Variants in EMX1 observed in about 807,000 individuals in gnomAD.
The protein encoded by EMX1 is empty spiracles homeobox 1.
A neutral mutation model predicts 20.1 loss-of-function variants in EMX1; 10 were observed. The observed-to-expected ratio is 0.50, with a 90% CI of 0.31 to 0.84. The LOEUF is 0.84. Ranked by LOEUF, EMX1 falls within the 40% of genes least tolerant of loss-of-function variation. The probability of loss-of-function intolerance (pLI) is 0.05; values close to 1 mark genes in which losing one functional copy is unlikely to be tolerated. For synonymous variants in EMX1, 250 were observed against 200.4 expected (o/e 1.25, Z -2.09); for missense variants, 424 against 431.9 (o/e 0.98, Z 0.16).
chr2:72,933,934 G>A lies in EMX1; in HGVS notation c.853G>A (p.Asp285Asn), dbSNP rs777186799. 14 of 1,614,268 alleles carry A rather than the reference G, an allele frequency of 8.7e-6. No homozygotes were observed. Among genetic ancestry groups the A allele is most frequent in the South Asian group, 3.3e-5 (3 of 91,088 alleles). The change falls in exon 3 of 3, where the codon GAT becomes AAT. Residue 285 changes from aspartate to asparagine, a missense_variant. Around this residue, in one of 2 missense-constraint regions of EMX1, gnomAD observed 91 missense variants for 135.2 expected, o/e 0.67. Coordinates refer to ENST00000258106, the MANE Select transcript of EMX1 (RefSeq NM_004097.3). ...GAAGCAGGCCAATGGGGAGGACATC[G>A]ATGTCACCTCCAATGACTAGGGTGG... ...ATKQANGEDI[D>N]VTSND
intron 1 of EMX1, among the ~76,000 whole-genome samples, chr2:72,922,362 T>G (rs550334252): frequency 6.6e-6 from 1 of 152,330 alleles, no homozygotes; most frequent in South Asian, 2.1e-4. Context: ...AGGCTCCATA[T>G]TTTTCTGCCC....
chr2:72,926,961 G>T (rs1393311141), intron 2 of EMX1, among the ~76,000 whole-genome samples: 3 of 152,086 alleles, frequency 2.0e-5, no homozygotes, highest in Non-Finnish European at 4.4e-5. Context: ...TCAGCTATTT[G>T]TCAAGCATCA....
Position 72,917,868 on chromosome 2 carries a change from TG to T in EMX1, c.17del (p.Cys6SerfsTer40). 1 of 1,473,832 alleles carries T rather than the reference TG, an allele frequency of 6.8e-7. No individual in the cohort carries two copies. The highest frequency in any genetic ancestry group is 1.3e-5 in the South Asian group (1 of 78,084). 91.3% of individuals were successfully genotyped at this position (1,473,832 alleles called of 1,614,324 possible). ...GCGGGTGTGCATGTGCCTGGCTGGGTGCACACCCCGCAAGGCGGCGGCGCCA... is the reference window on the plus strand; with the variant it reads ...GCGGGTGTGCATGTGCCTGGCTGGGTCACACCCCGCAAGGCGGCGGCGCCA... MCLAG[C>X]TPRKAAAPGR... On this transcript the variant is annotated frameshift_variant, in exon 1 of 3. Transcript: ENST00000258106. LOFTEE classifies it high-confidence loss of function.
chr2:72,926,967 C>T (rs140056520), intron 2 of EMX1, among the ~76,000 whole-genome samples: 210 of 152,292 alleles, frequency 1.4e-3, no homozygotes, highest in African/African-American at 4.8e-3. Context: ...ATTTGTCAAG[C>T]ATCAGTCACC....
chr2:72,924,263 T>A, intron 1 of EMX1, 46 bp from the exon 2 acceptor site: 1 of 1,543,960 alleles, frequency 6.5e-7, no homozygotes. Context: ...GCGCCCCTTC[T>A]CTCTGTCTGT....
At chr2:72,921,447 G>C (rs1671103107) in intron 1 of EMX1, among the ~76,000 whole-genome samples, 1 of 152,178 alleles carries the variant, frequency 6.6e-6, no homozygotes, top group African/African-American at 2.4e-5. Flanking sequence ...ACCCCTGGTA[G>C]GGGTGGTTCA....
intron 1 of EMX1, among the ~76,000 whole-genome samples, chr2:72,920,474 C>G (rs1275885767): frequency 1.3e-5 from 2 of 152,212 alleles, no homozygotes; most frequent in Non-Finnish European, 2.9e-5. Context: ...GTCGCCGCTG[C>G]AGACGGATGC....
chr2:72,918,471 C>G (rs1391776905), intron 1 of EMX1, 99 bp downstream of exon 1: 4 of 1,316,366 alleles, frequency 3.0e-6, no homozygotes, highest in Non-Finnish European at 3.9e-6. Context: ...TTAGAAGTTA[C>G]TGCCGGGAAG....
intron 2 of EMX1, chr2:72,933,369 C>T (rs748864344): frequency 4.9e-5 from 8 of 164,540 alleles, no homozygotes; most frequent in Non-Finnish European, 9.2e-5. Context: ...GTCATAGGCT[C>T]TCTCATTTAC....
upstream of EMX1, chr2:72,916,650 C>T: frequency 1.4e-6 from 1 of 710,228 alleles, no homozygotes. Context: ...CAGGCTGCTT[C>T]TGCGTGTCCT....
chr2:72,918,144 G>T lies in EMX1; in HGVS notation c.292G>T (p.Gly98Cys). ...PSAAEAAFVS[G>C]FPAAAAAGAG... ...CGCGGCCGAGGCGGCCTTCGTGAGT[G>T]GCTTCCCTGCCGCGGCCGCCGCGGG... is the stretch of plus-strand genomic sequence containing the variant. Residue 98 changes from glycine (G) to cysteine (C), a missense_variant, in exon 1 of 3, where the codon GGC becomes TGC. By Grantham distance (159) the Gly-to-Cys change is radical. Coordinates refer to ENST00000258106, the MANE Select transcript of EMX1 (RefSeq NM_004097.3). 1 of 1,498,222 alleles carries T rather than the reference G, an allele frequency of 6.7e-7. No individual in the cohort carries two copies. Among genetic ancestry groups the T allele is most frequent in the Middle Eastern group, 1.9e-4 (1 of 5,396 alleles). The allele number at this position is 1,498,222 out of a possible 1,614,324, so 92.8% of individuals were successfully genotyped here.
At chr2:72,924,579 G>A (rs1025627097) in intron 2 of EMX1, 86 bp downstream of exon 2, 59 of 1,420,696 alleles carry the variant, frequency 4.2e-5, no homozygotes, top group Non-Finnish European at 5.2e-5. Context: ...CCCTGAGCCC[G>A]CCCCAGCCCA....
upstream of EMX1, chr2:72,917,049 A>T: frequency 1.5e-6 from 1 of 666,242 alleles, no homozygotes; most frequent in Non-Finnish European, 2.8e-6. Flanking sequence ...ACCGCGGCCC[A>T]GGAGGCCGAT....
chr2:72,931,760 A>T (rs1671289302), intron 2 of EMX1, among the ~76,000 whole-genome samples: 1 of 152,356 alleles, frequency 6.6e-6, no homozygotes, highest in African/African-American at 2.4e-5. Flanking sequence ...GAGGCCGGGC[A>T]CCAACCCTTC....
At chr2:72,920,987 G>T (rs1361884881) in intron 1 of EMX1, among the ~76,000 whole-genome samples, 1 of 152,194 alleles carries the variant, frequency 6.6e-6, no homozygotes, top group Non-Finnish European at 1.5e-5. Flanking sequence ...GGGGAATGAG[G>T]TTATCTCCGC....
At chr2:72,920,553 C>T (rs534320615) in intron 1 of EMX1, among the ~76,000 whole-genome samples, 42 of 152,356 alleles carry the variant, frequency 2.8e-4, no homozygotes, top group Non-Finnish European at 5.4e-4. Context: ...CCGTCTCGGG[C>T]CCTCCGGCGC....
At chr2:72,931,756 G>A (rs1385557893) in intron 2 of EMX1, among the ~76,000 whole-genome samples, 6 of 152,240 alleles carry the variant, frequency 3.9e-5, no homozygotes, top group Non-Finnish European at 7.3e-5. Flanking sequence ...CATCGAGGCC[G>A]GGCACCAACC....
rs1240054488 is a variant in EMX1, at chr2:72,917,904, G to A, written c.52G>A (p.Ala18Thr). 3.4e-6 allele frequency: 5 copies of A among 1,481,796 alleles called. No individual in the cohort carries two copies. In the Admixed American group the frequency reaches 1.1e-4, roughly 34 times the overall value. The allele number at this position is 1,481,796 out of a possible 1,614,324, so 91.8% of individuals were successfully genotyped here. The change falls in exon 1 of 3, where the codon GCG (alanine) becomes ACG (threonine). Residue 18 changes from alanine (A) to threonine (T), a missense_variant. Physicochemically the swap from Ala to Thr is moderately conservative, Grantham distance 58. Coordinates refer to ENST00000258106, the MANE Select transcript of EMX1 (RefSeq NM_004097.3). ...CAAGGCGGCGGCGCCAGGACGCGGA[G>A]CGCTCCCCAGAGCCCGGCTGCCTCG... ...PRKAAAPGRGALPRARLPRTA... is the reference protein window; with the variant it reads ...PRKAAAPGRGTLPRARLPRTA...
chr2:72,929,919 C>A (rs1181406629), intron 2 of EMX1, among the ~76,000 whole-genome samples: 2 of 152,212 alleles, frequency 1.3e-5, no homozygotes, highest in Non-Finnish European at 2.9e-5. Context: ...GCCAACCCTT[C>A]TTCTGCCCAG....
Sources: gnomAD v4.1 joint callset for allele counts (sites outside exome capture counted in the v4.1 genomes callset) on GRCh38, gnomAD v4.1.1 for gene constraint, gnomAD v4.1.1 regional missense constraint, MANE v1.5 for transcripts, NCBI Gene and HGNC (gene_info 2026-07-23, HGNC 2026-07-21) for gene names.